ERBB4: variants seen among roughly 807,000 people sequenced by gnomAD.
ERBB4 encodes the protein receptor tyrosine-protein kinase erbB-4.
ERBB4 carries 42 observed loss-of-function variants against 158.0 expected under a neutral mutation model. The observed-to-expected ratio is 0.27, with a 90% confidence interval of 0.21 to 0.34. ERBB4 has a LOEUF of 0.34. Ranked by LOEUF, ERBB4 falls within the 10% of genes least tolerant of loss-of-function variation. ERBB4 has a pLI of 1.00. For synonymous variants in ERBB4, 583 were observed against 558.7 expected, an observed-to-expected ratio of 1.04 and a Z score of -0.61; for missense variants, 1,333 against 1,624.1, an observed-to-expected ratio of 0.82 and a Z score of 3.08.
At chr2:212,388,698 A>C (rs1229366054) in intron 1 of ERBB4, among the ~76,000 whole-genome samples, 5 of 152,130 alleles carry the variant, frequency 3.3e-5, no homozygotes, top group Non-Finnish European at 7.4e-5. Context: ...TATCTTGAGA[A>C]ATGTCGTCAT....
intron 2 of ERBB4, among the ~76,000 whole-genome samples, chr2:212,032,350 C>G (rs1300187388): frequency 6.6e-6 from 1 of 152,012 alleles, no homozygotes; most frequent in Non-Finnish European, 1.5e-5. Flanking sequence ...CTCCTTTTGC[C>G]TTAGGCTGAT....
chr2:211,433,206 G>C (rs1396664352), intron 20 of ERBB4, among the ~76,000 whole-genome samples: 2 of 152,154 alleles, frequency 1.3e-5, no homozygotes, highest in Non-Finnish European at 2.9e-5. Flanking sequence ...GTCCAAGAAG[G>C]GTCCCTTATA....
chr2:211,569,186 G>A (rs958147633), intron 19 of ERBB4, among the ~76,000 whole-genome samples: 3 of 152,272 alleles, frequency 2.0e-5, no homozygotes, highest in Non-Finnish European at 2.9e-5. Flanking sequence ...GTGGCCATAC[G>A]TTAGATTTAG....
At chr2:212,113,054 T>C (rs1020072158) in intron 2 of ERBB4, among the ~76,000 whole-genome samples, 5 of 152,216 alleles carry the variant, frequency 3.3e-5, no homozygotes, top group East Asian at 1.9e-4. Context: ...CTTAGGACTA[T>C]GGAGAAACAA....
At chr2:211,894,435 T>C (rs2079049286) in intron 3 of ERBB4, among the ~76,000 whole-genome samples, 1 of 137,362 alleles carries the variant, frequency 7.3e-6, no homozygotes, top group African/African-American at 2.8e-5. Context: ...GGGTGAGGGA[T>C]AGCATTGGGA....
intron 20 of ERBB4, among the ~76,000 whole-genome samples, chr2:211,518,766 T>C (rs2066109483): frequency 6.6e-6 from 1 of 152,120 alleles, no homozygotes; most frequent in African/African-American, 2.4e-5. Context: ...GATGTCATAA[T>C]ATAAACTCTG....
chr2:211,953,204 T>C (rs1428239602), intron 2 of ERBB4, among the ~76,000 whole-genome samples: 1 of 151,974 alleles, frequency 6.6e-6, no homozygotes, highest in African/African-American at 2.4e-5. Flanking sequence ...TTATGAATTA[T>C]GTCCAAGGAC....
chr2:212,275,080 T>C (rs920249932), intron 1 of ERBB4, among the ~76,000 whole-genome samples: 4 of 152,006 alleles, frequency 2.6e-5, no homozygotes, highest in Non-Finnish European at 4.4e-5. Context: ...GCTTCATCCA[T>C]GTCCCTGCAA....
chr2:212,324,690 GAGA>G (rs1306771871), intron 1 of ERBB4, among the ~76,000 whole-genome samples: 1 of 150,274 alleles, frequency 6.7e-6, no homozygotes, highest in African/African-American at 2.4e-5. Context: ...TTCTTCTTAT[GAGA>G]AGATTAGACA....
chr2:212,010,242 G>T (rs2076352749), intron 2 of ERBB4, among the ~76,000 whole-genome samples: 1 of 152,062 alleles, frequency 6.6e-6, no homozygotes, highest in Non-Finnish European at 1.5e-5. Flanking sequence ...ACATGGATAA[G>T]GTATTATTTA....
At chr2:211,479,526 C>T (rs1574570915) in intron 20 of ERBB4, among the ~76,000 whole-genome samples, 1 of 152,128 alleles carries the variant, frequency 6.6e-6, no homozygotes, top group East Asian at 1.9e-4. Flanking sequence ...TATAGATCCA[C>T]AGCACAAAGC....
At chr2:212,332,357 A>G (rs1477178519) in intron 1 of ERBB4, among the ~76,000 whole-genome samples, 1 of 151,848 alleles carries the variant, frequency 6.6e-6, no homozygotes, top group Non-Finnish European at 1.5e-5. Context: ...AGTCCATTAA[A>G]CTTCTTTCTT....
At chr2:212,101,520 T>C (rs1050603809) in intron 2 of ERBB4, among the ~76,000 whole-genome samples, 3 of 151,698 alleles carry the variant, frequency 2.0e-5, no homozygotes, top group Non-Finnish European at 4.4e-5. Flanking sequence ...GAAACACGCA[T>C]ACCACAAAAA....
intron 25 of ERBB4, among the ~76,000 whole-genome samples, chr2:211,418,630 T>C (rs1194343825): frequency 6.8e-6 from 1 of 147,916 alleles, no homozygotes; most frequent in Non-Finnish European, 1.5e-5. Flanking sequence ...AATGTAAGAA[T>C]TCTTATAAAA....
At chr2:211,909,760 G>T (rs1199983516) in intron 3 of ERBB4, among the ~76,000 whole-genome samples, 2 of 151,632 alleles carry the variant, frequency 1.3e-5, no homozygotes, top group African/African-American at 4.8e-5. Context: ...GTGTATGTAG[G>T]TTTATGTGTG....
chr2:211,893,037 C>T (rs548023040), intron 3 of ERBB4, among the ~76,000 whole-genome samples: 2 of 148,366 alleles, frequency 1.3e-5, no homozygotes, highest in East Asian at 1.9e-4. Context: ...CAAGACTTTC[C>T]TCACAGAATT....
chr2:211,461,360 T>C (rs1477515097), intron 20 of ERBB4, among the ~76,000 whole-genome samples: 7 of 152,096 alleles, frequency 4.6e-5, no homozygotes, highest in African/African-American at 1.4e-4. Flanking sequence ...AAGAAAATAA[T>C]ATGGAAGAAA....
intron 25 of ERBB4, among the ~76,000 whole-genome samples, chr2:211,392,598 A>C (rs944703741): frequency 2.8e-5 from 4 of 141,882 alleles, no homozygotes; most frequent in Admixed American, 7.2e-5. Flanking sequence ...ACACACACAC[A>C]CACCCCAATA....
At chr2:212,452,911 T>C (rs1271405708) in intron 1 of ERBB4, among the ~76,000 whole-genome samples, 2 of 152,202 alleles carry the variant, frequency 1.3e-5, no homozygotes, top group Admixed American at 6.5e-5. Context: ...ATTACTAATA[T>C]AGTTCTCAAA....
Sources: gnomAD v4.1 joint callset for allele counts (sites outside exome capture counted in the v4.1 genomes callset) on GRCh38, gnomAD v4.1.1 for gene constraint, MANE v1.5 for transcripts, NCBI Gene and HGNC (gene_info 2026-07-23, HGNC 2026-07-21) for gene names.